L3HYPDH: variants seen among roughly 807,000 people sequenced by gnomAD.
The protein encoded by L3HYPDH is trans-3-hydroxy-L-proline dehydratase.
A neutral mutation model predicts 26.5 loss-of-function variants in L3HYPDH; 32 were observed. The observed-to-expected ratio is 1.21, with a 90% CI of 0.91 to 1.62. The LOEUF (loss-of-function observed/expected upper bound fraction) is 1.62, where lower values mean the gene tolerates loss of function less well. L3HYPDH is among the 40% of genes most tolerant of loss of function. The probability of loss-of-function intolerance (pLI) is 0.00; values close to 1 mark genes in which losing one functional copy is unlikely to be tolerated. For missense variants in L3HYPDH, 554 were observed against 476.4 expected (o/e 1.16, Z -1.52); for synonymous variants, 215 against 196.6 (o/e 1.09, Z -0.78).
the L3HYPDH span, among the ~76,000 whole-genome samples, chr14:59,491,059 G>A: frequency 6.6e-6 from 1 of 152,204 alleles, no homozygotes; most frequent in African/African-American, 2.4e-5. Context: ...AGGACCACAA[G>A]GGCCATCTCT....
At chr14:59,482,675 G>A (rs1042898149) in intron 1 of L3HYPDH, among the ~76,000 whole-genome samples, 3 of 152,278 alleles carry the variant, frequency 2.0e-5, no homozygotes, top group South Asian at 2.1e-4. Context: ...GGCATTCTTC[G>A]TTAACTCGTG....
chr14:59,504,046 C>CTCTCAGAAGA, the L3HYPDH span: 1 of 1,612,964 alleles, frequency 6.2e-7, no homozygotes, highest in Non-Finnish European at 8.5e-7. Flanking sequence ...TTCAAGGATA[C>CTCTCAGAAGA]TCTCAGAAGG....
chr14:59,484,821 CTT>C, upstream of L3HYPDH: 1 of 967,450 alleles, frequency 1.0e-6, no homozygotes, highest in Non-Finnish European at 1.5e-6. Context: ...AATGCCAGGT[CTT>C]TGTTGTTTGG....
the L3HYPDH span, chr14:59,498,699 G>A: frequency 1.7e-6 from 2 of 1,205,710 alleles, no homozygotes; most frequent in South Asian, 1.5e-5. Context: ...CATTTTTGAT[G>A]TTACAAATTC....
In L3HYPDH at chr14:59,484,064, G is replaced by C. The variant is rs756278770; in HGVS notation, c.253C>G (p.Leu85Val). 2 of 1,607,018 alleles carry C rather than the reference G, an allele frequency of 1.2e-6. No individual in the cohort carries two copies. The highest frequency in any genetic ancestry group is 1.7e-5 in the Admixed American group (1 of 59,934). Residue 85 changes from leucine to valine, a missense_variant, in exon 1 of 5, where the codon CTG becomes GTG. Leu to Val is a conservative substitution (Grantham distance 32, BLOSUM62 1). Coordinates refer to ENST00000247194, the MANE Select transcript of L3HYPDH (RefSeq NM_144581.2). ...MYGAVLVPSE[L>V]PDAHLGVLFL... ...AGGACGCCCAGATGCGCGTCCGGCA[G>C]CTCGCTCGGGACTAGGACCGCCCCG...
chr14:59,484,639 C>A, upstream of L3HYPDH: 1 of 1,567,564 alleles, frequency 6.4e-7, no homozygotes, highest in Non-Finnish European at 8.7e-7. Flanking sequence ...GTAGTCCCGA[C>A]TACTTTCCTA....
In L3HYPDH at chr14:59,484,141, T is replaced by TC. The variant is rs766048075; in HGVS notation, c.175dup (p.Asp59GlyfsTer140). 6.2e-7 allele frequency: 1 copy of TC among 1,601,890 alleles called. No homozygotes were observed. Among genetic ancestry groups the TC allele is most frequent in the Non-Finnish European group, 8.5e-7 (1 of 1,179,198 alleles). On this transcript the variant is annotated frameshift_variant, in exon 1 of 5. Coordinates refer to ENST00000247194, the MANE Select transcript of L3HYPDH (RefSeq NM_144581.2). LOFTEE classifies it high-confidence loss of function. ...GAACATGAGCCGTCGCCGCACGTGG[T>TC]CAAGGTGCTGGCGCATGTAGCGCCG...
chr14:59,472,326 A>G (rs1889334906), downstream of L3HYPDH, among the ~76,000 whole-genome samples: 1 of 152,218 alleles, frequency 6.6e-6, no homozygotes, highest in Non-Finnish European at 1.5e-5. Flanking sequence ...CCCCTTTTAT[A>G]AAAGCCCTGA....
chr14:59,498,830 C>G, the L3HYPDH span: 4 of 1,611,622 alleles, frequency 2.5e-6, no homozygotes, highest in Non-Finnish European at 3.4e-6. Flanking sequence ...GAAATCTGAT[C>G]GATTTAAAAG....
In L3HYPDH at chr14:59,483,815, C is replaced by T; in HGVS notation, c.502G>A (p.Ala168Thr). Residue 168 changes from alanine to threonine, a missense_variant, in exon 1 of 5, where the codon GCC becomes ACC. Coordinates refer to ENST00000247194, the MANE Select transcript of L3HYPDH (RefSeq NM_144581.2). The part of the protein sequence containing the change: ...RFHSVPAFVL[A>T]TDLMVDVPGH... ...GAAAGGTCCCGCCCATTACCTGTGG[C>T]CAGCACGAAGGCCGGGACGCTGTGG... 1 of 1,593,106 alleles carries T rather than the reference C, an allele frequency of 6.3e-7. No homozygotes were observed. Among genetic ancestry groups the T allele is most frequent in the East Asian group, 2.2e-5 (1 of 44,536 alleles).
At chr14:59,485,968 G>A (rs1227209615), upstream of L3HYPDH, 1 of 152,154 alleles carries the variant, frequency 6.6e-6, no homozygotes, top group Non-Finnish European at 1.5e-5. Context: ...TGTCACTGAT[G>A]AAGAAAACTT....
At chr14:59,470,405 C>A (rs575333060), downstream of L3HYPDH, among the ~76,000 whole-genome samples, 5 of 152,168 alleles carry the variant, frequency 3.3e-5, no homozygotes, top group African/African-American at 1.2e-4. Flanking sequence ...AGTATGCTAT[C>A]TGTGTCTTTC....
In L3HYPDH at chr14:59,475,951, T is replaced by G; in HGVS notation, c.857A>C (p.His286Pro). The change falls in exon 4 of 5, where the codon CAC (histidine) becomes CCC (proline). Residue 286 changes from histidine to proline, a missense_variant. His to Pro is a moderately conservative substitution (Grantham distance 77). Transcript: ENST00000247194. Reference sequence around the variant, plus strand: ...CTGGTTCAGTTCCAGAAGCCCTTTGTGATACTGTAAGGCAATTCGGGCTGT... The same window carrying G: ...CTGGTTCAGTTCCAGAAGCCCTTTGGGATACTGTAAGGCAATTCGGGCTGT... ...GVTARIALQY[H>P]KGLLELNQMR... The G allele has an allele frequency of 6.2e-7, 1 of 1,614,018 alleles. No homozygotes were observed. Among genetic ancestry groups the G allele is most frequent in the Non-Finnish European group, 8.5e-7 (1 of 1,179,908 alleles).
At chr14:59,494,877 G>T in the L3HYPDH span, 2 of 628,728 alleles carry the variant, frequency 3.2e-6, no homozygotes, top group Non-Finnish European at 5.6e-6. Context: ...TATCCCTTTT[G>T]AGAAAAAAAG....
the L3HYPDH span, among the ~76,000 whole-genome samples, chr14:59,499,764 A>G: frequency 1.3e-5 from 2 of 152,160 alleles, no homozygotes; most frequent in Non-Finnish European, 2.9e-5. Flanking sequence ...GGTAAGACCA[A>G]GGGAACCAGA....
At chr14:59,498,650 T>C in the L3HYPDH span, 1 of 826,938 alleles carries the variant, frequency 1.2e-6, no homozygotes, top group South Asian at 2.0e-5. Context: ...TTTAGGCTCT[T>C]TCATTTAAAA....
At chr14:59,504,616 T>C in the L3HYPDH span, 6,144 of 152,868 alleles carry the variant, frequency 0.04, 169 homozygotes, top group Non-Finnish European at 0.058. Context: ...TAATAATTTA[T>C]ATAACAGGTT....
At chr14:59,504,132 T>C in the L3HYPDH span, 3 of 969,424 alleles carry the variant, frequency 3.1e-6, no homozygotes, top group South Asian at 4.1e-5. Context: ...AGTAAATCAA[T>C]CTTAACAGTG....
Position 59,483,844 on chromosome 14 carries a change from C to G in L3HYPDH, c.473G>C (p.Arg158Pro), listed in dbSNP as rs1284481016. 9.4e-6 allele frequency: 15 copies of G among 1,587,954 alleles called. No homozygotes were observed. The highest frequency in any genetic ancestry group is 1.3e-5 in the Non-Finnish European group (15 of 1,174,366). ...CACGAAGGCCGGGACGCTGTGGAAGCGCACCGGTCCGTGGCTGCGGCCGTC... is the reference window on the plus strand; with the variant it reads ...CACGAAGGCCGGGACGCTGTGGAAGGGCACCGGTCCGTGGCTGCGGCCGTC... ...CEDGRSHGPV[R>P]FHSVPAFVLA... Residue 158 changes from arginine (R) to proline (P), a missense_variant, in exon 1 of 5, where the codon CGC becomes CCC. By Grantham distance (103) the Arg-to-Pro change is moderately radical. Coordinates refer to ENST00000247194, the MANE Select transcript of L3HYPDH (RefSeq NM_144581.2).
Sources: allele counts gnomAD v4.1 joint callset (sites outside exome capture counted in the v4.1 genomes callset), GRCh38; gene constraint gnomAD v4.1.1; transcripts MANE v1.5; gene names NCBI Gene and HGNC (gene_info 2026-07-23, HGNC 2026-07-21).